MUC5AC: variants seen among roughly 807,000 people sequenced by gnomAD.
The protein encoded by MUC5AC is mucin 5AC, oligomeric mucus/gel-forming.
In MUC5AC, 158 loss-of-function variants were observed where a neutral mutation model predicts 169.7. The observed-to-expected ratio is 0.93, with a 90% CI of 0.82 to 1.06. MUC5AC has a LOEUF of 1.06. MUC5AC is among the 50% of genes least tolerant of loss of function. MUC5AC has a pLI of 0.00. For synonymous variants in MUC5AC, 1,975 were observed against 1,237.0 expected (o/e 1.60, Z -12.52); for missense variants, 4,359 against 3,089.9 (o/e 1.41, Z -9.74).
intron 1 of MUC5AC, 88 bp from the exon 2 acceptor site, chr11:1,160,524 C>T (rs1860109163): frequency 1.7e-6 from 2 of 1,183,724 alleles, no homozygotes; most frequent in Non-Finnish European, 2.4e-6. Flanking sequence ...CCTCCCGTCC[C>T]TCTGGTGTCC....
At chr11:1,194,752 C>T (rs916794576) in intron 35 of MUC5AC, 82 bp downstream of exon 35, 8 of 660,204 alleles carry the variant, frequency 1.2e-5, no homozygotes, top group Middle Eastern at 2.7e-4. Flanking sequence ...CCACGTGCCG[C>T]GTGTGCCGGT....
Position 1,163,933 on chromosome 11 carries a change from C to G in MUC5AC, c.731C>G (p.Pro244Arg). ...EFGNLQKMDD[P>R]TDQCQDPVPE... ...GGGAACCTGCAGAAGATGGACGACC[C>G]CACGGACCAGTGTCAGGACCCTGTC... is the stretch of plus-strand genomic sequence containing the variant. Residue 244 changes from proline (P) to arginine (R), a missense_variant, in exon 7 of 49, where the codon CCC becomes CGC. Pro to Arg is a moderately radical substitution (Grantham distance 103). Transcript: ENST00000621226. 1 of 1,611,464 alleles carries G rather than the reference C, an allele frequency of 6.2e-7. No homozygotes were observed. Among genetic ancestry groups the G allele is most frequent in the African/African-American group, 1.3e-5 (1 of 74,996 alleles).
chr11:1,196,639 A>G lies in MUC5AC; in HGVS notation c.15748A>G (p.Ile5250Val). Residue 5250 changes from isoleucine to valine, a missense_variant, in exon 39 of 49, where the codon ATC becomes GTC. Transcript: ENST00000621226. Reference sequence around the variant, plus strand: ...CAGGGCTCTGCCGGAGGCCGGCCCCATCACCGAAGGCTGCTTCTGTCCGGA... The same window carrying G: ...CAGGGCTCTGCCGGAGGCCGGCCCCGTCACCGAAGGCTGCTTCTGTCCGGA... The part of the protein sequence containing the change: ...SLGALPEAGP[I>V]TEGCFCPEGM... 1 of 762,774 alleles carries G rather than the reference A, an allele frequency of 1.3e-6. No individual in the cohort carries two copies. 47.3% of individuals were successfully genotyped at this position (762,774 alleles called of 1,614,324 possible). A position where few individuals can be genotyped will look rare whatever the true frequency, so the allele number is the denominator to read the frequency against.
In MUC5AC at chr11:1,179,163, G is replaced by A; in HGVS notation, c.3399G>A (p.Glu1133=). The A allele has an allele frequency of 1.5e-6, 1 of 682,122 alleles. No homozygotes were observed. The highest frequency in any genetic ancestry group is 2.7e-6 in the Non-Finnish European group (1 of 374,092). The allele number at this position is 682,122 out of a possible 1,614,324, so 42.3% of individuals were successfully genotyped here. ...CCTGCGACTCCGGGGGTGACTGCGA[G>A]TGCTTCTGCACGGCTGTGGCCGCCT... ...ACACDSGGDC[E]CFCTAVAAYA... is the part of the protein sequence containing the mutation. The change falls in exon 26 of 49, where the codon GAG becomes GAA. Residue 1133 remains glutamate (E), a synonymous_variant. Transcript: ENST00000621226.
Position 1,188,092 on chromosome 11 carries a change from G to A in MUC5AC, c.9947G>A (p.Arg3316His), listed in dbSNP as rs1554928466. Residue 3316 changes from arginine to histidine, a missense_variant, in exon 31 of 49, where the codon CGT becomes CAT. Transcript: ENST00000621226. ...PFKMCLNYEV[R>H]VLCCETPKGC... ...AAGATGTGCCTCAACTACGAGGTGC[G>A]TGTGCTCTGCTGCGAGACCCCTAAA... The A allele has an allele frequency of 3.4e-5, 25 of 740,774 alleles. No individual in the cohort carries two copies. Among genetic ancestry groups the A allele is most frequent in the Admixed American group, 8.8e-5 (5 of 57,124 alleles). 45.9% of individuals were successfully genotyped at this position (740,774 alleles called of 1,614,324 possible).
chr11:1,158,614 TG>T (rs1483719020), intron 1 of MUC5AC, among the ~76,000 whole-genome samples: 2 of 152,148 alleles, frequency 1.3e-5, no homozygotes, highest in East Asian at 1.9e-4. Flanking sequence ...AAGAGGGTGA[TG>T]GGGGAGGCTC....
At chr11:1,168,584 G>T in intron 13 of MUC5AC, 32 bp downstream of exon 13, 1 of 1,612,474 alleles carries the variant, frequency 6.2e-7, no homozygotes, top group South Asian at 1.1e-5. Flanking sequence ...CCACCCCGGG[G>T]CTGCCTGGGG....
Position 1,188,389 on chromosome 11 carries a change from C to G in MUC5AC, c.10244C>G (p.Thr3415Ser), listed in dbSNP as rs1861005159. The change falls in exon 31 of 49, where the codon ACC (threonine) becomes AGC (serine). Residue 3415 changes from threonine to serine, a missense_variant. Coordinates refer to ENST00000621226, the MANE Select transcript of MUC5AC (RefSeq NM_001304359.2). Reference sequence around the variant, plus strand: ...TCCTCTGCCCCTACAAGCAGCACAACCTCGGCTCCTACAAGCAGCACAATC... The same window carrying G: ...TCCTCTGCCCCTACAAGCAGCACAAGCTCGGCTCCTACAAGCAGCACAATC... The part of the protein sequence containing the change: ...SISSAPTSST[T>S]SAPTSSTISA... 2 of 633,248 alleles carry G rather than the reference C, an allele frequency of 3.2e-6. No individual in the cohort carries two copies. The highest frequency in any genetic ancestry group is 5.9e-6 in the Non-Finnish European group (2 of 341,620). 39.2% of individuals were successfully genotyped at this position (633,248 alleles called of 1,614,324 possible).
chr11:1,192,179 C>A lies in MUC5AC; in HGVS notation c.14034C>A (p.Ala4678=). The A allele has an allele frequency of 1.3e-6, 1 of 765,100 alleles. No homozygotes were observed. Among genetic ancestry groups the A allele is most frequent in the Non-Finnish European group, 2.4e-6 (1 of 417,908 alleles). The allele number at this position is 765,100 out of a possible 1,614,324, so 47.4% of individuals were successfully genotyped here. ...AGATCACCAGGCTCCAGTGCCGAGC[C>A]GAGAGCCACCCGGAGGTGAACATTG... ...PEEITRLQCR[A]ESHPEVNIEH... is the part of the protein sequence containing the mutation. The change falls in exon 31 of 49, where the codon GCC becomes GCA. Residue 4678 remains alanine, a synonymous_variant. Coordinates refer to ENST00000621226, the MANE Select transcript of MUC5AC (RefSeq NM_001304359.2).
At chr11:1,158,242 T>C (rs528505438) in intron 1 of MUC5AC, among the ~76,000 whole-genome samples, 170 bp downstream of exon 1, 3 of 152,336 alleles carry the variant, frequency 2.0e-5, no homozygotes, top group African/African-American at 4.8e-5. Flanking sequence ...AGTTTCCCCT[T>C]GTGGGGTTGG....
rs907122008 is a variant in MUC5AC, at chr11:1,163,910, G to A, written c.708G>A (p.Gly236=). Residue 236 remains glycine, a synonymous_variant, in exon 7 of 49, where the codon GGG becomes GGA. Transcript: ENST00000621226. ...HNTKLTPMEF[G]NLQKMDDPTD... ...CCAAGCTGACACCCATGGAATTCGG[G>A]AACCTGCAGAAGATGGACGACCCCA... 4.7e-5 allele frequency: 76 copies of A among 1,610,462 alleles called. No individual in the cohort carries two copies. The highest frequency in any genetic ancestry group is 6.3e-5 in the Non-Finnish European group (74 of 1,179,126).
chr11:1,198,291 G>C lies in MUC5AC; in HGVS notation c.16159G>C (p.Gly5387Arg). Reference sequence around the variant, plus strand: ...AGGCTGGACAGTGTGCAGCATCAACGGGACCCTGTACCAGGTAAGAGCCAC... The same window carrying C: ...AGGCTGGACAGTGTGCAGCATCAACCGGACCCTGTACCAGGTAAGAGCCAC... ...NCSWTVCSIN[G>R]TLYQPGAVVS... The change falls in exon 43 of 49, where the codon GGG (glycine) becomes CGG (arginine). Residue 5387 changes from glycine to arginine, a missense_variant. Gly to Arg is a moderately radical substitution (Grantham distance 125). Transcript: ENST00000621226. 1 of 754,700 alleles carries C rather than the reference G, an allele frequency of 1.3e-6. No homozygotes were observed. The highest frequency in any genetic ancestry group is 1.4e-5 in the South Asian group (1 of 72,656). 46.8% of individuals were successfully genotyped at this position (754,700 alleles called of 1,614,324 possible). A position where few individuals can be genotyped will look rare whatever the true frequency, so the allele number is the denominator to read the frequency against.
chr11:1,190,639 C>A lies in MUC5AC; in HGVS notation c.12494C>A (p.Pro4165Gln). 1 of 694,414 alleles carries A rather than the reference C, an allele frequency of 1.4e-6. No individual in the cohort carries two copies. The highest frequency in any genetic ancestry group is 2.6e-6 in the Non-Finnish European group (1 of 380,436). The allele number at this position is 694,414 out of a possible 1,614,324, so 43.0% of individuals were successfully genotyped here. A position where few individuals can be genotyped will look rare whatever the true frequency, so the allele number is the denominator to read the frequency against. The change falls in exon 31 of 49, where the codon CCA becomes CAA. Residue 4165 changes from proline (P) to glutamine (Q), a missense_variant. Pro to Gln is a moderately conservative substitution (Grantham distance 76, BLOSUM62 -1). Coordinates refer to ENST00000621226, the MANE Select transcript of MUC5AC (RefSeq NM_001304359.2). Reference protein sequence around the residue: ...LAPTTSTTSAPTTSTNSAPTT... With the variant: ...LAPTTSTTSAQTTSTNSAPTT... ...CCTACAACCAGCACAACCTCTGCTC[C>A]AACAACCAGCACAAACTCTGCTCCT...
Position 1,185,287 on chromosome 11 carries a change from C to T in MUC5AC, c.7142C>T (p.Thr2381Ile), listed in dbSNP as rs1312060732. The T allele has an allele frequency of 3.7e-5, 25 of 669,430 alleles. No homozygotes were observed. In the East Asian group the frequency reaches 4.6e-4, roughly 12 times the overall value. The allele number at this position is 669,430 out of a possible 1,614,324, so 41.5% of individuals were successfully genotyped here. Residue 2381 changes from threonine to isoleucine, a missense_variant, in exon 31 of 49, where the codon ACC (threonine) becomes ATC (isoleucine). Coordinates refer to ENST00000621226, the MANE Select transcript of MUC5AC (RefSeq NM_001304359.2). Reference protein sequence around the residue: ...STTSARTSSTTSATTTSRISG... With the variant: ...STTSARTSSTISATTTSRISG... ...ACCTCTGCCCGTACAAGCAGCACAA[C>T]CTCTGCCACTACCACCAGCAGAATC...
rs776999675 is a variant in MUC5AC at position 1,162,561 on chromosome 11, T to C, written c.503T>C (p.Val168Ala). ...PVLLPFSQSGVLIQQSSSYTK... is the reference protein window; with the variant it reads ...PVLLPFSQSGALIQQSSSYTK... ...CTGCTGCCCTTCAGCCAGTCTGGGG[T>C]CCTCATTCAGCAGAGCAGCAGCTAC... The change falls in exon 5 of 49, where the codon GTC (valine) becomes GCC (alanine). Residue 168 changes from valine (V) to alanine (A), a missense_variant. Transcript: ENST00000621226. 2.5e-6 allele frequency: 4 copies of C among 1,612,336 alleles called. No homozygotes were observed. Among genetic ancestry groups the C allele is most frequent in the Non-Finnish European group, 3.4e-6 (4 of 1,179,772 alleles).
rs771694004 is a variant in MUC5AC, at chr11:1,162,043, G to T, written c.348G>T (p.Glu116Asp). Residue 116 changes from glutamate to aspartate, a missense_variant, in exon 4 of 49, where the codon GAG becomes GAT. Transcript: ENST00000621226. ...CCGAGCACTGCGGTGCCGCCTACGAGGATTTTAACATCCAGCTACGCCGCA... is the reference window on the plus strand; with the variant it reads ...CCGAGCACTGCGGTGCCGCCTACGATGATTTTAACATCCAGCTACGCCGCA... ...VFSEHCGAAY[E>D]DFNIQLRRSQ... The T allele has an allele frequency of 5.0e-6, 8 of 1,612,614 alleles. No homozygotes were observed. Among genetic ancestry groups the T allele is most frequent in the Non-Finnish European group, 6.8e-6 (8 of 1,179,788 alleles).
intron 26 of MUC5AC, among the ~76,000 whole-genome samples, chr11:1,179,727 G>A (rs919344844): frequency 1.5e-4 from 22 of 149,620 alleles, no homozygotes; most frequent in Admixed American, 8.6e-4. Flanking sequence ...GGTCGCTGGC[G>A]TGGTAGAACG....
At chr11:1,197,130 C>T (rs1054825696) in intron 40 of MUC5AC, among the ~76,000 whole-genome samples, 4 of 152,162 alleles carry the variant, frequency 2.6e-5, no homozygotes, top group African/African-American at 4.8e-5. Flanking sequence ...GGGACGGTGC[C>T]GGGGCGTCTG....
chr11:1,188,166 G>A lies in MUC5AC; in HGVS notation c.10021G>A (p.Gly3341Arg). 1 of 708,870 alleles carries A rather than the reference G, an allele frequency of 1.4e-6. No individual in the cohort carries two copies. Among genetic ancestry groups the A allele is most frequent in the East Asian group, 2.5e-5 (1 of 40,536 alleles). 43.9% of individuals were successfully genotyped at this position (708,870 alleles called of 1,614,324 possible). A position where few individuals can be genotyped will look rare whatever the true frequency, so the allele number is the denominator to read the frequency against. ...TPVTAPSTPS[G>R]RATSPTQSTS... is the part of the protein sequence containing the mutation. ...TGTGACAGCTCCTAGCACCCCTAGTGGGAGAGCCACCAGCCCAACTCAGAG... is the reference window on the plus strand; with the variant it reads ...TGTGACAGCTCCTAGCACCCCTAGTAGGAGAGCCACCAGCCCAACTCAGAG... The change falls in exon 31 of 49, where the codon GGG becomes AGG. Residue 3341 changes from glycine to arginine, a missense_variant. By Grantham distance (125) the Gly-to-Arg change is moderately radical (BLOSUM62 -2). Coordinates refer to ENST00000621226, the MANE Select transcript of MUC5AC (RefSeq NM_001304359.2).
Sources: allele counts gnomAD v4.1 joint callset (sites outside exome capture counted in the v4.1 genomes callset), GRCh38; gene constraint gnomAD v4.1.1; transcripts MANE v1.5; gene names NCBI Gene and HGNC (gene_info 2026-07-23, HGNC 2026-07-21).